Variants in SOD2 observed in about 807,000 individuals in gnomAD.
SOD2 encodes superoxide dismutase [Mn], mitochondrial.
A neutral mutation model predicts 27.0 loss-of-function variants in SOD2; 11 were observed. The ratio of observed to expected loss-of-function variants is 0.41; its 90% CI spans 0.26 to 0.67. SOD2 has a LOEUF of 0.67. Among genes scored for constraint, SOD2 ranks in the 30% least tolerant of loss-of-function variants. The probability of loss-of-function intolerance (pLI) is 0.34; values close to 1 mark genes in which losing one functional copy is unlikely to be tolerated. For missense variants in SOD2, 250 were observed against 274.5 expected, an observed-to-expected ratio of 0.91 and a Z score of 0.63; for synonymous variants, 105 against 103.0, an observed-to-expected ratio of 1.02 and a Z score of -0.12.
chr6:159,712,043 A>C (rs546490840), intron 1 of SOD2, among the ~76,000 whole-genome samples: 1 of 34,410 alleles, frequency 2.9e-5, no homozygotes, highest in African/African-American at 9.3e-5. Flanking sequence ...TCAGACCTCC[A>C]TAACCACCTC....
rs184122295 is a variant in SOD2, at chr6:159,712,081, T to A, written c.-116+15048A>T. 2.0e-3 allele frequency among the ~76,000 whole-genome samples: 45 copies of A among 22,004 alleles called. 2 individuals are homozygous for A. Among genetic ancestry groups the A allele is most frequent in the Middle Eastern group, 0.056 (1 of 18 alleles). 14.4% of individuals were successfully genotyped at this position (22,004 alleles called of 152,430 possible). ...TAACCACCACTCGGCTGCTCAGACCTCCATAACCACCTCCATAACCACCAC... is the reference window on the plus strand; with the variant it reads ...TAACCACCACTCGGCTGCTCAGACCACCATAACCACCTCCATAACCACCAC... On this transcript the variant is annotated intron_variant, in intron 1 of 2. Transcript: ENST00000401980.
At chr6:159,712,319 ACTGCT>A (rs1411078486) in intron 1 of SOD2, among the ~76,000 whole-genome samples, 1 of 143,372 alleles carries the variant, frequency 7.0e-6, no homozygotes, top group Non-Finnish European at 1.5e-5. Context: ...CACCACTCAC[ACTGCT>A]CTGATCACCC....
At chr6:159,740,529 G>A (rs1011369852) in intron 1 of SOD2, among the ~76,000 whole-genome samples, 10 of 151,922 alleles carry the variant, frequency 6.6e-5, no homozygotes, top group African/African-American at 9.7e-5. Context: ...AAAATAAATC[G>A]TTCTTTTATA....
chr6:159,740,148 AT>A (rs957227777), intron 1 of SOD2, among the ~76,000 whole-genome samples: 6 of 146,838 alleles, frequency 4.1e-5, no homozygotes, highest in African/African-American at 5.0e-5. Flanking sequence ...CCTGGCCATG[AT>A]TTTTTTTTTC....
At chr6:159,684,290 T>C (rs1212972440) in intron 4 of SOD2, among the ~76,000 whole-genome samples, 1 of 152,124 alleles carries the variant, frequency 6.6e-6, no homozygotes, top group East Asian at 1.9e-4. Flanking sequence ...TCTAAGCTGA[T>C]ATTAATTCTC....
chr6:159,696,673 C>T (rs955570460), upstream of SOD2, among the ~76,000 whole-genome samples: 2 of 152,150 alleles, frequency 1.3e-5, no homozygotes, highest in Non-Finnish European at 2.9e-5. Flanking sequence ...ACAAATTCCA[C>T]TTGCTGCTCA....
upstream of SOD2, chr6:159,727,374 T>C (rs1225413115): frequency 9.7e-7 from 1 of 1,032,510 alleles, no homozygotes; most frequent in South Asian, 1.6e-5. Context: ...GCGGGGAGGC[T>C]GGCGGGAGGC....
chr6:159,690,236 G>A (rs181702783), intron 2 of SOD2, among the ~76,000 whole-genome samples: 9 of 143,188 alleles, frequency 6.3e-5, no homozygotes, highest in East Asian at 2.1e-4. Context: ...GTAGTGAGCC[G>A]AGATCACATC....
chr6:159,670,497 G>C lies in SOD2; in HGVS notation c.*11996C>G, dbSNP rs1165298938. Reference sequence around the variant, plus strand: ...TACTGGTTGGAGAACTTTGTTTAAAGGATATAAGTTGTGTGCCTTCTGTAA... The same window carrying C: ...TACTGGTTGGAGAACTTTGTTTAAACGATATAAGTTGTGTGCCTTCTGTAA... On this transcript the variant is annotated 3_prime_UTR_variant, in exon 5 of 5. Transcript: ENST00000538183. 6.6e-6 allele frequency: 1 copy of C among 152,126 alleles called. No homozygotes were observed. The highest frequency in any genetic ancestry group is 1.5e-5 in the Non-Finnish European group (1 of 68,046). 9.4% of individuals were successfully genotyped at this position (152,126 alleles called of 1,614,324 possible). A position where few individuals can be genotyped will look rare whatever the true frequency, so the allele number is the denominator to read the frequency against.
chr6:159,733,482 T>TGTG (rs1433454717), intron 1 of SOD2, among the ~76,000 whole-genome samples: 9 of 151,824 alleles, frequency 5.9e-5, no homozygotes, highest in African/African-American at 2.2e-4. Context: ...ATTAACTGGG[T>TGTG]GTGGTGGCAC....
rs11434280 is a variant in SOD2, at chr6:159,687,482, C to CAA, written c.343+642_343+643dup. On this transcript the variant is annotated intron_variant, in intron 3 of 4. Transcript: ENST00000538183. Reference sequence around the variant, plus strand: ...CCTGGGCGACTGTAAGACTCCGTCTCAAAAAAAAAAAGTTCATAAAATGAA... The same window carrying CAA: ...CCTGGGCGACTGTAAGACTCCGTCTCAAAAAAAAAAAAAGTTCATAAAATGAA... Among the ~76,000 whole-genome samples, 477 of 147,944 alleles carry CAA rather than the reference C, an allele frequency of 3.2e-3. 1 individual carries two copies. Among genetic ancestry groups the CAA allele is most frequent in the Middle Eastern group, 7.0e-3 (2 of 284 alleles).
chr6:159,709,611 G>GA (rs1777691781), intron 1 of SOD2, among the ~76,000 whole-genome samples: 1 of 152,132 alleles, frequency 6.6e-6, no homozygotes, highest in Non-Finnish European at 1.5e-5. Context: ...AAAAAGTCAG[G>GA]AAACAACAGG....
rs1779780008 is a variant in SOD2, at chr6:159,676,364, T to C, written c.*6129A>G. The C allele has an allele frequency of 6.6e-6, 1 of 152,142 alleles. No homozygotes were observed. The highest frequency in any genetic ancestry group is 1.5e-5 in the Non-Finnish European group (1 of 68,030). The allele number at this position is 152,142 out of a possible 1,614,324, so 9.4% of individuals were successfully genotyped here. ...AACCAACCCAAATGTCCATCAATGA[T>C]AGATTGGTTTAAGAAGATGTGGCAC... is the stretch of plus-strand genomic sequence containing the variant. On this transcript the variant is annotated 3_prime_UTR_variant, in exon 5 of 5. Transcript: ENST00000538183.
intron 3 of SOD2, among the ~76,000 whole-genome samples, chr6:159,687,497 C>A (rs1562421076): frequency 6.6e-6 from 1 of 151,248 alleles, no homozygotes; most frequent in Non-Finnish European, 1.5e-5. Flanking sequence ...AAAAAAAGTT[C>A]ATAAAATGAA....
intron 1 of SOD2, among the ~76,000 whole-genome samples, chr6:159,718,630 G>A (rs1051156829): frequency 2.6e-5 from 4 of 152,136 alleles, no homozygotes; most frequent in African/African-American, 9.7e-5. Flanking sequence ...TTGCATTGCT[G>A]CTCACAGTAA....
intron 1 of SOD2, among the ~76,000 whole-genome samples, chr6:159,737,859 T>C (rs1169623156): frequency 6.6e-6 from 1 of 152,238 alleles, no homozygotes; most frequent in Non-Finnish European, 1.5e-5. Context: ...GTGAATATAC[T>C]GTTTCTCAAT....
rs1298855051 is a variant in SOD2, at chr6:159,680,591, T to C, written c.*1902A>G. On this transcript the variant is annotated 3_prime_UTR_variant, in exon 5 of 5. Transcript: ENST00000538183. ...TAGAAAAATAAACTTGGGGAAAAAA[T>C]TAAAAATAAAAAATAAACTTGGGAA... is the stretch of plus-strand genomic sequence containing the variant. 2.0e-5 allele frequency: 3 copies of C among 151,376 alleles called. No individual in the cohort carries two copies. The highest frequency in any genetic ancestry group is 4.4e-5 in the Non-Finnish European group (3 of 67,890). The allele number at this position is 151,376 out of a possible 1,614,324, so 9.4% of individuals were successfully genotyped here.
At chr6:159,705,972 T>A (rs1398493305) in intron 1 of SOD2, among the ~76,000 whole-genome samples, 1 of 152,168 alleles carries the variant, frequency 6.6e-6, no homozygotes, top group African/African-American at 2.4e-5. Flanking sequence ...TCAACGTTTT[T>A]AAAGAAAAGA....
chr6:159,693,313 G>C (rs1583023315), upstream of SOD2: 16 of 460,734 alleles, frequency 3.5e-5, no homozygotes, highest in East Asian at 7.0e-4. Flanking sequence ...TGCGCCGCAA[G>C]GGCACCGCCG....
Sources: allele counts gnomAD v4.1 joint callset (sites outside exome capture counted in the v4.1 genomes callset), GRCh38; gene constraint gnomAD v4.1.1; transcripts MANE v1.5; gene names NCBI Gene and HGNC (gene_info 2026-07-23, HGNC 2026-07-21).